The following CTNNA2 variants were observed in gnomAD, a reference collection of about 807,000 sequenced individuals.
The protein encoded by CTNNA2 is catenin alpha 2, also known as catenin alpha-2.
In CTNNA2, 42 loss-of-function variants were observed where a neutral mutation model predicts 101.0. The ratio of observed to expected loss-of-function variants is 0.42; its 90% confidence interval spans 0.32 to 0.54. The LOEUF (loss-of-function observed/expected upper bound fraction) is 0.54. Among genes scored for constraint, CTNNA2 ranks in the 20% least tolerant of loss-of-function variants. The pLI, the probability that CTNNA2 is intolerant of heterozygous loss-of-function variation, is 0.14. For missense variants in CTNNA2, 871 were observed against 1,223.1 expected (o/e 0.71, Z 4.29); for synonymous variants, 450 against 456.4 (o/e 0.99, Z 0.18).
At chr2:79,950,953 T>A (rs2104493096) in intron 7 of CTNNA2, among the ~76,000 whole-genome samples, 1 of 152,264 alleles carries the variant, frequency 6.6e-6, no homozygotes, top group East Asian at 1.9e-4. Context: ...CATGCTTGGG[T>A]TTAAGGACTT....
intron 3 of CTNNA2, among the ~76,000 whole-genome samples, chr2:79,336,856 T>A (rs1006689057): frequency 5.3e-5 from 8 of 152,142 alleles, no homozygotes; most frequent in African/African-American, 1.9e-4. Flanking sequence ...CATGGTGGTG[T>A]TGTCTATTTG....
In CTNNA2 at chr2:80,608,329, C is replaced by T; in HGVS notation, c.2430+11C>T. On this transcript the variant is annotated intron_variant, in intron 17 of 18. Transcript: ENST00000402739. Reference sequence around the variant, plus strand: ...CTCATTGTGTCAGGGGTAAGCTGGACTTGGGCTTCACAATGTAAAGTTCCC... The same window carrying T: ...CTCATTGTGTCAGGGGTAAGCTGGATTTGGGCTTCACAATGTAAAGTTCCC... 2 of 1,604,360 alleles carry T rather than the reference C, an allele frequency of 1.2e-6. No individual in the cohort carries two copies. Among genetic ancestry groups the T allele is most frequent in the Non-Finnish European group, 1.7e-6 (2 of 1,173,106 alleles).
At chr2:79,392,445 GT>G (rs1678184655) in intron 4 of CTNNA2, among the ~76,000 whole-genome samples, 1 of 152,100 alleles carries the variant, frequency 6.6e-6, no homozygotes, top group African/African-American at 2.4e-5. Flanking sequence ...GAAATCCATG[GT>G]TACTATTTTT....
chr2:80,423,867 T>G (rs1680746533), intron 9 of CTNNA2, among the ~76,000 whole-genome samples: 1 of 152,084 alleles, frequency 6.6e-6, no homozygotes. Flanking sequence ...CCAATAGCAA[T>G]AAAAAGGTGG....
chr2:79,244,964 A>G (rs919131252), intron 2 of CTNNA2, among the ~76,000 whole-genome samples: 11 of 151,998 alleles, frequency 7.2e-5, no homozygotes, highest in African/African-American at 2.7e-4. Flanking sequence ...GCTTGGTGGC[A>G]TGTGCCTATA....
chr2:80,492,827 T>G (rs1371370865), intron 9 of CTNNA2, among the ~76,000 whole-genome samples: 1 of 152,178 alleles, frequency 6.6e-6, no homozygotes, highest in Non-Finnish European at 1.5e-5. Context: ...TTGGTTTTCT[T>G]TTCTTACTAG....
At chr2:80,165,439 T>C (rs1442619930) in intron 7 of CTNNA2, among the ~76,000 whole-genome samples, 4 of 152,188 alleles carry the variant, frequency 2.6e-5, no homozygotes, top group Non-Finnish European at 4.4e-5. Flanking sequence ...AAAAATATCT[T>C]CTACTTCTTT....
At chr2:80,257,655 G>A (rs2149116923) in intron 7 of CTNNA2, among the ~76,000 whole-genome samples, 1 of 152,324 alleles carries the variant, frequency 6.6e-6, no homozygotes, top group East Asian at 1.9e-4. Flanking sequence ...GTGTGTTAGT[G>A]TGCACAGTGC....
At chr2:79,835,677 T>G (rs887722587) in intron 3 of CTNNA2, among the ~76,000 whole-genome samples, 24 of 57,696 alleles carry the variant, frequency 4.2e-4, no homozygotes, top group African/African-American at 7.4e-4. Context: ...TTTTTTTTTT[T>G]TTTTTTTTTT....
At chr2:79,608,505 T>A (rs981873461) in intron 1 of CTNNA2, among the ~76,000 whole-genome samples, 3 of 151,952 alleles carry the variant, frequency 2.0e-5, no homozygotes, top group Non-Finnish European at 4.4e-5. Context: ...ACATGCAAAA[T>A]GCTAAACCAA....
At chr2:80,487,070 G>T (rs1207677116) in intron 9 of CTNNA2, among the ~76,000 whole-genome samples, 1 of 152,018 alleles carries the variant, frequency 6.6e-6, no homozygotes, top group Non-Finnish European at 1.5e-5. Context: ...TGGATCAGGA[G>T]GTCAGGAGTT....
At position 80,419,621 on chromosome 2, in the gene CTNNA2, A is replaced by C. The variant is rs201884229; in HGVS notation, c.1290+20A>C. On this transcript the variant is annotated intron_variant, in intron 9 of 18. Transcript: ENST00000402739. ...GTAGAGGTAAGTGTGGAGGGGCCTGAAGACTAGAGTTTACCGATGGGTTCA... is the reference window on the plus strand; with the variant it reads ...GTAGAGGTAAGTGTGGAGGGGCCTGCAGACTAGAGTTTACCGATGGGTTCA... The C allele has an allele frequency of 6.2e-7, 1 of 1,612,780 alleles. No homozygotes were observed. The highest frequency in any genetic ancestry group is 1.7e-5 in the Admixed American group (1 of 59,970).
intron 4 of CTNNA2, among the ~76,000 whole-genome samples, chr2:79,453,878 T>C (rs1390979188): frequency 6.6e-6 from 1 of 152,154 alleles, no homozygotes; most frequent in Admixed American, 6.6e-5. Context: ...GTAGAATAGA[T>C]ATGATCCCTA....
chr2:79,247,029 T>C (rs2104265724), intron 2 of CTNNA2, among the ~76,000 whole-genome samples: 1 of 152,220 alleles, frequency 6.6e-6, no homozygotes, highest in African/African-American at 2.4e-5. Context: ...AAACCCTGAG[T>C]GCTGTTGCAG....
chr2:80,193,957 C>T (rs1706681802), intron 7 of CTNNA2, among the ~76,000 whole-genome samples: 1 of 152,028 alleles, frequency 6.6e-6, no homozygotes, highest in South Asian at 2.1e-4. Context: ...GGACCAGGGA[C>T]TTTAATTATA....
intron 12 of CTNNA2, among the ~76,000 whole-genome samples, chr2:80,558,013 C>T (rs1468959806): frequency 2.6e-5 from 4 of 152,078 alleles, no homozygotes; most frequent in Admixed American, 1.3e-4. Context: ...ATGCCCATAT[C>T]CAATTCCTAA....
At chr2:79,326,934 A>T (rs977293626) in intron 3 of CTNNA2, among the ~76,000 whole-genome samples, 2 of 152,130 alleles carry the variant, frequency 1.3e-5, no homozygotes, top group Non-Finnish European at 2.9e-5. Flanking sequence ...CCTAGAGGAG[A>T]AGAGCATTGG....
At chr2:79,984,387 A>C (rs923979424) in intron 7 of CTNNA2, among the ~76,000 whole-genome samples, 1 of 152,122 alleles carries the variant, frequency 6.6e-6, no homozygotes, top group African/African-American at 2.4e-5. Context: ...TCTCACTTCA[A>C]TATTAAAAGA....
chr2:79,803,431 A>G (rs1360418113), intron 3 of CTNNA2, among the ~76,000 whole-genome samples: 1 of 152,230 alleles, frequency 6.6e-6, no homozygotes, highest in Non-Finnish European at 1.5e-5. Flanking sequence ...TTGACTAACT[A>G]AAAGTATCCC....
Sources: gnomAD v4.1 joint callset for allele counts (sites outside exome capture counted in the v4.1 genomes callset) on GRCh38, gnomAD v4.1.1 for gene constraint, MANE v1.5 for transcripts, NCBI Gene and HGNC (gene_info 2026-07-23, HGNC 2026-07-21) for gene names.